SEL1L2: variants seen among roughly 807,000 people sequenced by gnomAD.
The protein encoded by SEL1L2 is protein sel-1 homolog 2.
In SEL1L2, 89 loss-of-function variants were observed where a neutral mutation model predicts 98.8. The ratio of observed to expected loss-of-function variants is 0.90; its 90% CI spans 0.76 to 1.07. The LOEUF (loss-of-function observed/expected upper bound fraction) is 1.07. Ranked by LOEUF, SEL1L2 falls within the 50% of genes least tolerant of loss-of-function variation. The probability of loss-of-function intolerance (pLI) is 0.00; values close to 1 mark genes in which losing one functional copy is unlikely to be tolerated. For synonymous variants in SEL1L2, 262 were observed against 278.5 expected, an observed-to-expected ratio of 0.94 and a Z score of 0.59; for missense variants, 788 against 812.0, an observed-to-expected ratio of 0.97 and a Z score of 0.36.
chr20:13,894,489 G>C (rs1568918866), intron 5 of SEL1L2, among the ~76,000 whole-genome samples: 1 of 152,228 alleles, frequency 6.6e-6, no homozygotes, highest in African/African-American at 2.4e-5. Flanking sequence ...GAACCCAGGA[G>C]GTGGAGGTTG....
At chr20:13,963,695 AACAGAGTGAG>A (rs2050891147) in intron 1 of SEL1L2, among the ~76,000 whole-genome samples, 1 of 152,106 alleles carries the variant, frequency 6.6e-6, no homozygotes, top group East Asian at 1.9e-4. Flanking sequence ...CAGCCTGGGA[AACAGAGTGAG>A]ACTCCATATC....
rs2046493624 is a variant in SEL1L2, at chr20:13,877,579, G to A, written c.967C>T (p.His323Tyr). ...GLDQDYYKAL[H>Y]YFLKAAKAGS... is the part of the protein sequence containing the mutation. ...GCCTTTGCTGCCTTTAAGAAGTAGT[G>A]TAATGCTTTCTGGAGAGAAAAGGAA... The change falls in exon 11 of 20, where the codon CAC becomes TAC. Residue 323 changes from histidine (H) to tyrosine (Y), a missense_variant. Physicochemically the swap from His to Tyr is moderately conservative, Grantham distance 83 (BLOSUM62 2). Transcript: ENST00000284951. 1.2e-6 allele frequency: 2 copies of A among 1,612,624 alleles called. No individual in the cohort carries two copies. Among genetic ancestry groups the A allele is most frequent in the East Asian group, 2.2e-5 (1 of 44,878 alleles).
chr20:13,849,805 T>C (rs1435758614), intron 19 of SEL1L2, among the ~76,000 whole-genome samples: 6 of 152,162 alleles, frequency 3.9e-5, no homozygotes, highest in Non-Finnish European at 7.3e-5. Flanking sequence ...ACCCCAAAGA[T>C]TTAGACACTT....
At chr20:13,857,034 T>G (rs375513369) in intron 18 of SEL1L2, among the ~76,000 whole-genome samples, 1 of 152,214 alleles carries the variant, frequency 6.6e-6, no homozygotes, top group African/African-American at 2.4e-5. Flanking sequence ...GAGAAGGTGA[T>G]AGCACCTTGT....
chr20:13,912,766 G>C (rs1370834202), intron 5 of SEL1L2, among the ~76,000 whole-genome samples: 1 of 152,134 alleles, frequency 6.6e-6, no homozygotes, highest in Admixed American at 6.5e-5. Flanking sequence ...AACTCCATAG[G>C]CACAGTATCC....
chr20:13,950,067 AACT>A (rs746878697), intron 2 of SEL1L2, among the ~76,000 whole-genome samples: 9 of 152,220 alleles, frequency 5.9e-5, no homozygotes, highest in Non-Finnish European at 1.0e-4. Flanking sequence ...GAAATAAGTC[AACT>A]ATTAAAAGAA....
chr20:13,907,738 CTTTCTTTCT>C (rs1452601990), intron 5 of SEL1L2, among the ~76,000 whole-genome samples: 120 of 104,250 alleles, frequency 1.2e-3, no homozygotes, highest in African/African-American at 1.0e-3. Flanking sequence ...TTCTTTCTTT[CTTTCTTTCT>C]TTTCTTTTCT....
intron 17 of SEL1L2, among the ~76,000 whole-genome samples, chr20:13,864,010 T>G (rs1990594936): frequency 6.6e-6 from 1 of 151,358 alleles, no homozygotes; most frequent in Non-Finnish European, 1.5e-5. Flanking sequence ...AAAATATATA[T>G]GTATATATCT....
Position 13,887,751 on chromosome 20 carries a change from A to G in SEL1L2, c.745+18T>C, listed in dbSNP as rs913033858. 6.7e-7 allele frequency: 1 copy of G among 1,493,278 alleles called. No individual in the cohort carries two copies. The highest frequency in any genetic ancestry group is 9.3e-7 in the Non-Finnish European group (1 of 1,074,780). The allele number at this position is 1,493,278 out of a possible 1,614,324, so 92.5% of individuals were successfully genotyped here. ...TTGGCAACTGTTTATTTTAAAATAA[A>G]TTATGTGGATTACTTACTATAATCT... On this transcript the variant is annotated intron_variant, in intron 8 of 19. Coordinates refer to ENST00000284951, the MANE Select transcript of SEL1L2 (RefSeq NM_025229.2).
At chr20:13,857,385 C>G (rs574843583) in intron 18 of SEL1L2, among the ~76,000 whole-genome samples, 14 of 152,204 alleles carry the variant, frequency 9.2e-5, no homozygotes, top group Admixed American at 2.6e-4. Context: ...GTCTCAACAA[C>G]TACTATTTGA....
At chr20:13,892,311 A>G (rs942345021) in intron 5 of SEL1L2, among the ~76,000 whole-genome samples, 2 of 148,074 alleles carry the variant, frequency 1.4e-5, no homozygotes, top group South Asian at 2.1e-4. Flanking sequence ...CAGCCACCAT[A>G]TGATGGCAGG....
intron 2 of SEL1L2, among the ~76,000 whole-genome samples, chr20:13,936,166 A>T (rs1348099364): frequency 6.6e-6 from 1 of 152,142 alleles, no homozygotes; most frequent in Non-Finnish European, 1.5e-5. Context: ...CCTTTGCCAA[A>T]ATTATGACAG....
chr20:13,949,370 A>G (rs1157445461), intron 2 of SEL1L2, among the ~76,000 whole-genome samples: 1 of 152,214 alleles, frequency 6.6e-6, no homozygotes. Flanking sequence ...GCTACTATAA[A>G]AACAAAACAA....
chr20:13,863,378 A>T (rs1568840959), intron 17 of SEL1L2, among the ~76,000 whole-genome samples: 1 of 152,182 alleles, frequency 6.6e-6, no homozygotes, highest in Non-Finnish European at 1.5e-5. Flanking sequence ...GACTGGCAGC[A>T]TGTGGTGAGC....
At chr20:13,924,134 T>G (rs564829366) in intron 3 of SEL1L2, among the ~76,000 whole-genome samples, 2 of 152,330 alleles carry the variant, frequency 1.3e-5, no homozygotes, top group South Asian at 2.1e-4. Flanking sequence ...TTCTTTTGAT[T>G]AGTGTTGCCT....
chr20:13,879,652 C>T (rs1289322227), intron 10 of SEL1L2, among the ~76,000 whole-genome samples: 4 of 152,032 alleles, frequency 2.6e-5, no homozygotes, highest in East Asian at 1.9e-4. Context: ...CACACCTAGA[C>T]GTAAGGATTT....
Position 13,990,544 on chromosome 20 carries a change from A to G in SEL1L2, c.-10T>C. ...GAGACAAGGGCTTCATCTTCTCTTA[A>G]GCAGCTTCTCTTCACTGTAACACAG... On this transcript the variant is annotated 5_prime_UTR_variant, in exon 1 of 20. Transcript: ENST00000284951. 2 of 1,608,104 alleles carry G rather than the reference A, an allele frequency of 1.2e-6. No homozygotes were observed. The highest frequency in any genetic ancestry group is 2.2e-5 in the South Asian group (2 of 90,636).
At chr20:13,879,653 G>A (rs751680382) in intron 10 of SEL1L2, among the ~76,000 whole-genome samples, 3 of 151,976 alleles carry the variant, frequency 2.0e-5, no homozygotes, top group East Asian at 1.9e-4. Context: ...ACACCTAGAC[G>A]TAAGGATTTT....
chr20:13,859,574 A>T, intron 17 of SEL1L2, 140 bp from the exon 18 acceptor site: 1 of 661,594 alleles, frequency 1.5e-6, no homozygotes, highest in Non-Finnish European at 2.5e-6. Flanking sequence ...AACCAAAAAC[A>T]CTCAGAACCC....
Sources: gnomAD v4.1 joint callset for allele counts (sites outside exome capture counted in the v4.1 genomes callset) on GRCh38, gnomAD v4.1.1 for gene constraint, MANE v1.5 for transcripts, NCBI Gene and HGNC (gene_info 2026-07-23, HGNC 2026-07-21) for gene names.